GALNT3: variants seen among roughly 807,000 people sequenced by gnomAD.
The protein encoded by GALNT3 is polypeptide N-acetylgalactosaminyltransferase 3.
A neutral mutation model predicts 69.8 loss-of-function variants in GALNT3; 51 were observed. The observed-to-expected ratio is 0.73, with a 90% CI of 0.58 to 0.92. The LOEUF (loss-of-function observed/expected upper bound fraction) is 0.92. Among genes scored for constraint, GALNT3 ranks in the 40% least tolerant of loss-of-function variants. The probability of loss-of-function intolerance (pLI) is 0.00; values close to 1 mark genes in which losing one functional copy is unlikely to be tolerated. For synonymous variants in GALNT3, 265 were observed against 248.5 expected (o/e 1.07, Z -0.63); for missense variants, 711 against 760.0 (o/e 0.94, Z 0.76).
Position 165,757,035 on chromosome 2 carries a change from G to A in GALNT3, c.1392+12C>T, listed in dbSNP as rs778454917. The A allele has an allele frequency of 7.5e-6, 12 of 1,593,000 alleles. No homozygotes were observed. In the Admixed American group the frequency reaches 2.0e-4, roughly 27 times the overall value. On this transcript the variant is annotated intron_variant, in intron 7 of 10. Transcript: ENST00000392701. Reference sequence around the variant, plus strand: ...GATTTTATTGCAATTTAACTACTTAGCTTTAACTTACTTGTTTAACAATTT... The same window carrying A: ...GATTTTATTGCAATTTAACTACTTAACTTTAACTTACTTGTTTAACAATTT...
At chr2:165,769,441 A>AAT (rs1365934792) in intron 2 of GALNT3, among the ~76,000 whole-genome samples, 1,371 of 79,766 alleles carry the variant, frequency 0.017, 16 homozygotes, top group African/African-American at 0.041. Flanking sequence ...TAATAATAAT[A>AAT]AATAAATAAA....
intron 4 of GALNT3, chr2:165,761,679 T>C (rs190530107): frequency 8.2e-5 from 58 of 707,084 alleles, no homozygotes; most frequent in African/African-American, 6.1e-4. Flanking sequence ...AACACTGAAG[T>C]TGAGGAAACT....
chr2:165,755,505 A>G (rs1688429992), intron 7 of GALNT3, among the ~76,000 whole-genome samples: 1 of 152,218 alleles, frequency 6.6e-6, no homozygotes, highest in African/African-American at 2.4e-5. Flanking sequence ...TTCTCCATCA[A>G]GATCACAGAA....
chr2:165,761,836 T>G, intron 4 of GALNT3, 69 bp downstream of exon 4: 1 of 1,536,996 alleles, frequency 6.5e-7, no homozygotes, highest in South Asian at 1.1e-5. Flanking sequence ...AGAAAAGACT[T>G]CCTTACCTTT....
intron 1 of GALNT3, among the ~76,000 whole-genome samples, chr2:165,792,556 A>G (rs1408764867): frequency 1.3e-5 from 2 of 152,232 alleles, no homozygotes; most frequent in Non-Finnish European, 2.9e-5. Flanking sequence ...CTTAAAAAGA[A>G]GAAGAAAAAT....
At chr2:165,789,592 A>T (rs1284881901) in intron 1 of GALNT3, among the ~76,000 whole-genome samples, 1 of 152,162 alleles carries the variant, frequency 6.6e-6, no homozygotes, top group East Asian at 1.9e-4. Flanking sequence ...ATATTTCAAA[A>T]TTCAGGATTT....
Position 165,791,829 on chromosome 2 carries a change from A to C in GALNT3, c.-109+2186T>G, listed in dbSNP as rs559208015. On this transcript the variant is annotated intron_variant, in intron 1 of 10. Transcript: ENST00000392701. ...TCATCAATATGCATGCTATTCCACA[A>C]TGAGAGGAGCATGATGCCTTCACTG... 2.6e-5 allele frequency among the ~76,000 whole-genome samples: 4 copies of C among 152,318 alleles called. No homozygotes were observed. The South Asian group carries it at 8.3e-4, about 32-fold the overall frequency.
chr2:165,788,318 A>G (rs886969512), intron 1 of GALNT3, among the ~76,000 whole-genome samples: 134 of 128,068 alleles, frequency 1.0e-3, no homozygotes, highest in African/African-American at 4.6e-3. Context: ...CATCACCTCA[A>G]AAAAAAAAAA....
In GALNT3 at chr2:165,781,381, G is replaced by T. The variant is rs891291944; in HGVS notation, c.-108-10573C>A. 2.0e-5 allele frequency among the ~76,000 whole-genome samples: 3 copies of T among 152,188 alleles called. No homozygotes were observed. In the East Asian group the frequency reaches 5.8e-4, roughly 29 times the overall value. ...CTACTGAGGTAGGCGAATTGCTTGAGCCCAGGAGTGCAAGACCAGCCTGGG... is the reference window on the plus strand; with the variant it reads ...CTACTGAGGTAGGCGAATTGCTTGATCCCAGGAGTGCAAGACCAGCCTGGG... On this transcript the variant is annotated intron_variant, in intron 1 of 10. Transcript: ENST00000392701.
chr2:165,777,402 T>C (rs1290252608), intron 1 of GALNT3, among the ~76,000 whole-genome samples: 2 of 152,228 alleles, frequency 1.3e-5, no homozygotes, highest in East Asian at 3.9e-4. Flanking sequence ...CTATCATCTG[T>C]ATTTCCTAAT....
intron 1 of GALNT3, among the ~76,000 whole-genome samples, chr2:165,793,445 C>T (rs921563142): frequency 6.6e-6 from 1 of 152,186 alleles, no homozygotes; most frequent in Non-Finnish European, 1.5e-5. Context: ...GAGGGGTGTC[C>T]GCGTCCCGGC....
chr2:165,759,288 T>G (rs1268783430), intron 5 of GALNT3, 48 bp downstream of exon 5: 2 of 1,421,140 alleles, frequency 1.4e-6, no homozygotes, highest in Non-Finnish European at 2.0e-6. Flanking sequence ...ACATATTCAA[T>G]GTATGGTATA....
chr2:165,780,837 G>T (rs567786949), intron 1 of GALNT3, among the ~76,000 whole-genome samples: 1 of 152,002 alleles, frequency 6.6e-6, no homozygotes, highest in African/African-American at 2.4e-5. Context: ...TCTGTCTCAT[G>T]TACTATTTCC....
At chr2:165,765,635 C>T (rs1688625376) in intron 2 of GALNT3, among the ~76,000 whole-genome samples, 1 of 151,852 alleles carries the variant, frequency 6.6e-6, no homozygotes, top group Admixed American at 6.6e-5. Flanking sequence ...ACTACAGGCG[C>T]CCACCACCAC....
intron 5 of GALNT3, among the ~76,000 whole-genome samples, chr2:165,759,094 T>C (rs1365965242): frequency 6.6e-6 from 1 of 152,172 alleles, no homozygotes; most frequent in East Asian, 1.9e-4. Flanking sequence ...CTAACCATGC[T>C]TTACGATTTT....
intron 3 of GALNT3, 74 bp downstream of exon 3, chr2:165,764,810 C>A: frequency 2.1e-6 from 3 of 1,453,650 alleles, no homozygotes; most frequent in Non-Finnish European, 2.9e-6. Flanking sequence ...ACAGAGAGTA[C>A]CACATAACCA....
At chr2:165,793,433 G>C (rs188100512) in intron 1 of GALNT3, among the ~76,000 whole-genome samples, 394 of 152,324 alleles carry the variant, frequency 2.6e-3, no homozygotes, top group African/African-American at 9.2e-3. Flanking sequence ...GAAACAGAGA[G>C]AGAGGGGTGT....
chr2:165,783,322 T>C (rs1249241664), intron 1 of GALNT3, among the ~76,000 whole-genome samples: 2 of 151,706 alleles, frequency 1.3e-5, no homozygotes, highest in Admixed American at 1.3e-4. Context: ...CAACCAACCA[T>C]TCCTTTTTTG....
At chr2:165,784,253 A>G (rs1344307452) in intron 1 of GALNT3, among the ~76,000 whole-genome samples, 4 of 152,264 alleles carry the variant, frequency 2.6e-5, no homozygotes, top group South Asian at 4.1e-4. Context: ...AGGCAAAGGG[A>G]GAGGCCCTGA....
Sources: gnomAD v4.1 joint callset for allele counts (sites outside exome capture counted in the v4.1 genomes callset) on GRCh38, gnomAD v4.1.1 for gene constraint, MANE v1.5 for transcripts, NCBI Gene and HGNC (gene_info 2026-07-23, HGNC 2026-07-21) for gene names.